Variants in PROM2 observed in about 807,000 individuals in gnomAD.
PROM2 encodes prominin-2.
A neutral mutation model predicts 110.2 loss-of-function variants in PROM2; 90 were observed. That is an observed-to-expected ratio of 0.82 (90% CI 0.69 to 0.97). The LOEUF (loss-of-function observed/expected upper bound fraction) is 0.97, where lower values mean the gene tolerates loss of function less well. PROM2 is among the 50% of genes least tolerant of loss of function. The probability of loss-of-function intolerance (pLI) is 0.00; values close to 1 mark genes in which losing one functional copy is unlikely to be tolerated. For synonymous variants in PROM2, 470 were observed against 467.8 expected, an observed-to-expected ratio of 1.00 and a Z score of -0.06; for missense variants, 1,009 against 1,074.8, an observed-to-expected ratio of 0.94 and a Z score of 0.86.
At chr2:95,287,521 A>C (rs1573463765) in intron 20 of PROM2, 57 bp downstream of exon 20, 1 of 1,570,558 alleles carries the variant, frequency 6.4e-7, no homozygotes, top group Non-Finnish European at 8.7e-7. Context: ...CCAGCTGTTC[A>C]CCCTGCTCTG....
Position 95,275,361 on chromosome 2 carries a change from C to CT in PROM2, c.245-100_245-99insT. On this transcript the variant is annotated intron_variant, in intron 1 of 23. Transcript: ENST00000317620. The surrounding 1 kb of genome is among the most constrained non-coding windows in gnomAD (Gnocchi z 4.4). ...GAGGGTGCCATGGTGGTGGCAGGAG[C>CT]CCTGCCTCAGAGCCACTTTGCCCTG... 1 of 1,158,302 alleles carries CT rather than the reference C, an allele frequency of 8.6e-7. No homozygotes were observed. Among genetic ancestry groups the CT allele is most frequent in the Non-Finnish European group, 1.2e-6 (1 of 803,858 alleles). The allele number at this position is 1,158,302 out of a possible 1,614,324, so 71.8% of individuals were successfully genotyped here. A position where few individuals can be genotyped will look rare whatever the true frequency, so the allele number is the denominator to read the frequency against.
In PROM2 at chr2:95,274,639, G is replaced by A; in HGVS notation, c.54G>A (p.Leu18=). Residue 18 remains leucine (L), a synonymous_variant, in exon 1 of 24, where the codon CTG becomes CTA. Coordinates refer to ENST00000317620, the MANE Select transcript of PROM2 (RefSeq NM_001165978.3). ...CCCTGCTGGGCCTGGGCCTGGGGCTGGCCCTGAGTCAGCTGGCTGCAGGGG... is the reference window on the plus strand; with the variant it reads ...CCCTGCTGGGCCTGGGCCTGGGGCTAGCCCTGAGTCAGCTGGCTGCAGGGG... The part of the protein sequence containing the change: ...LAPLLGLGLG[L]ALSQLAAGAT... 6.2e-7 allele frequency: 1 copy of A among 1,609,226 alleles called. No homozygotes were observed. Among genetic ancestry groups the A allele is most frequent in the South Asian group, 1.1e-5 (1 of 90,864 alleles).
intron 14 of PROM2, among the ~76,000 whole-genome samples, chr2:95,283,657 C>T (rs947290926): frequency 2.0e-5 from 3 of 152,202 alleles, no homozygotes; most frequent in Non-Finnish European, 2.9e-5. Context: ...GGCAAGTGGA[C>T]GCTCCACTCT....
At chr2:95,278,688 A>T (rs1676825900) in intron 8 of PROM2, 33 bp from the exon 9 acceptor site, 1 of 1,613,436 alleles carries the variant, frequency 6.2e-7, no homozygotes, top group Non-Finnish European at 8.5e-7. Flanking sequence ...CTGGGCAGAG[A>T]TGGGGAGGCC....
intron 15 of PROM2, 120 bp downstream of exon 15, chr2:95,285,235 G>A (rs2104134770): frequency 8.3e-7 from 1 of 1,204,944 alleles, no homozygotes; most frequent in Non-Finnish European, 1.1e-6. Flanking sequence ...ACATTTCCTG[G>A]GGCCTCTTCC....
rs1217544735 is a variant in PROM2 at position 95,279,119 on chromosome 2, G to A, written c.1249G>A (p.Glu417Lys). The A allele has an allele frequency of 4.1e-6, 6 of 1,476,470 alleles. No individual in the cohort carries two copies. In the East Asian group the frequency reaches 1.7e-4, roughly 41 times the overall value. The allele number at this position is 1,476,470 out of a possible 1,614,324, so 91.5% of individuals were successfully genotyped here. Residue 417 changes from glutamate (E) to lysine (K), a missense_variant, in exon 10 of 24, where the codon GAG becomes AAG. Transcript: ENST00000317620. ...VEESSRPYLQ[E>K]VQRYETYRWI... ...GGAGAGCAGCCGCCCCTACCTGCAGGAGGTGCAGAGATACGAGACCTACAG... is the reference window on the plus strand; with the variant it reads ...GGAGAGCAGCCGCCCCTACCTGCAGAAGGTGCAGAGATACGAGACCTACAG...
At position 95,282,195 on chromosome 2, in the gene PROM2, A is replaced by G. The variant is rs1677090014; in HGVS notation, c.1697A>G (p.Tyr566Cys). Residue 566 changes from tyrosine to cysteine, a missense_variant, in exon 14 of 24, where the codon TAC becomes TGC. Tyr to Cys is a radical substitution (Grantham distance 194). Coordinates refer to ENST00000317620, the MANE Select transcript of PROM2 (RefSeq NM_001165978.3). ...LWTVLQLNDS[Y>C]DLEEHLDINQ... is the part of the protein sequence containing the mutation. ...ACAGTCCTGCAGCTCAACGACTCCT[A>G]CGACCTGGAGGAGCACCTGGATATC... 6 of 1,613,834 alleles carry G rather than the reference A, an allele frequency of 3.7e-6. No homozygotes were observed. Among genetic ancestry groups the G allele is most frequent in the Admixed American group, 3.3e-5 (2 of 60,004 alleles).
At position 95,275,343 on chromosome 2, in the gene PROM2, C is replaced by A; in HGVS notation, c.245-118C>A. On this transcript the variant is annotated intron_variant, in intron 1 of 23. Coordinates refer to ENST00000317620, the MANE Select transcript of PROM2 (RefSeq NM_001165978.3). This position sits in a 1 kb window ranked among gnomAD's most constrained non-coding sequence, Gnocchi z 4.4. ...GGTGATGCAGCCTTCTGCGAGGGTGCCATGGTGGTGGCAGGAGCCCTGCCT... is the reference window on the plus strand; with the variant it reads ...GGTGATGCAGCCTTCTGCGAGGGTGACATGGTGGTGGCAGGAGCCCTGCCT... 3 of 919,966 alleles carry A rather than the reference C, an allele frequency of 3.3e-6. No individual in the cohort carries two copies. Among genetic ancestry groups the A allele is most frequent in the Non-Finnish European group, 5.1e-6 (3 of 594,008 alleles). The allele number at this position is 919,966 out of a possible 1,614,324, so 57.0% of individuals were successfully genotyped here.
chr2:95,286,496 G>A lies in PROM2; in HGVS notation c.1965G>A (p.Gly655=), dbSNP rs1361150798. 1 of 1,613,766 alleles carries A rather than the reference G, an allele frequency of 6.2e-7. No homozygotes were observed. Among genetic ancestry groups the A allele is most frequent in the Admixed American group, 1.7e-5 (1 of 60,012 alleles). ...CCTTTCAGGACAATTCTGTGCTGGG[G>A]CAGCGGCTGCAGGAGGAGGCCCAAG... ...LAQAQDNSVL[G]QRLQEEAQGL... is the part of the protein sequence containing the mutation. The change falls in exon 17 of 24, where the codon GGG becomes GGA. Residue 655 remains glycine (G), a synonymous_variant. Coordinates refer to ENST00000317620, the MANE Select transcript of PROM2 (RefSeq NM_001165978.3).
chr2:95,279,400 G>A (rs368356336), intron 10 of PROM2, among the ~76,000 whole-genome samples: 2 of 151,762 alleles, frequency 1.3e-5, no homozygotes, highest in Non-Finnish European at 2.9e-5. Context: ...CGGTTCAAGC[G>A]ATTCTCTTGC....
chr2:95,285,570 G>C (rs1335295623), intron 15 of PROM2, 69 bp from the exon 16 acceptor site: 19 of 1,313,546 alleles, frequency 1.4e-5, no homozygotes, highest in Non-Finnish European at 2.0e-5. Context: ...TTTGGAGGCT[G>C]GGATCAGGTG....
At chr2:95,284,890 C>A (rs1677254124) in intron 14 of PROM2, 79 bp from the exon 15 acceptor site, 4 of 1,452,086 alleles carry the variant, frequency 2.8e-6, no homozygotes, top group Non-Finnish European at 2.8e-6. Flanking sequence ...CGCCTGGTGA[C>A]CCCTGTGCTT....
In PROM2 at chr2:95,283,012, G is replaced by A. The variant is rs182338758; in HGVS notation, c.1728+786G>A. 2.6e-5 allele frequency among the ~76,000 whole-genome samples: 4 copies of A among 152,268 alleles called. No individual in the cohort carries two copies. The East Asian group carries it at 7.7e-4, about 29-fold the overall frequency. Reference sequence around the variant, plus strand: ...CCCCTGGATCCACCAACCAGCCTCGGCCCACGGACAGCACAGCCGGATGGC... The same window carrying A: ...CCCCTGGATCCACCAACCAGCCTCGACCCACGGACAGCACAGCCGGATGGC... On this transcript the variant is annotated intron_variant, in intron 14 of 23. Coordinates refer to ENST00000317620, the MANE Select transcript of PROM2 (RefSeq NM_001165978.3).
chr2:95,277,477 G>C lies in PROM2; in HGVS notation c.886G>C (p.Glu296Gln). 1 of 1,612,738 alleles carries C rather than the reference G, an allele frequency of 6.2e-7. No homozygotes were observed. Among genetic ancestry groups the C allele is most frequent in the Non-Finnish European group, 8.5e-7 (1 of 1,179,796 alleles). ...AIREHRDRLL[E>Q]LLQEARCQGD... ...CCGGGAACACCGGGACCGCCTCCTT[G>C]AGCTGCTGCAGGAGGCCAGGTGCCA... The change falls in exon 7 of 24, where the codon GAG (glutamate) becomes CAG (glutamine). Residue 296 changes from glutamate to glutamine, a missense_variant. Coordinates refer to ENST00000317620, the MANE Select transcript of PROM2 (RefSeq NM_001165978.3).
At chr2:95,282,257 C>A (rs1421343405) in intron 14 of PROM2, 31 bp downstream of exon 14, 4 of 1,522,278 alleles carry the variant, frequency 2.6e-6, no homozygotes, top group Non-Finnish European at 3.6e-6. Context: ...CTGTGAGGAG[C>A]CCTCCTCAGA....
Position 95,281,839 on chromosome 2 carries a change from C to T in PROM2, c.1552-86C>T, listed in dbSNP as rs1677065664. On this transcript the variant is annotated intron_variant, in intron 12 of 23. Transcript: ENST00000317620. ...CCTACCCCTGGTCTGTGCTGTGCCA[C>T]AGCAGCACAGGGCCAGGCCCTAGGG... 17 of 921,184 alleles carry T rather than the reference C, an allele frequency of 1.8e-5. No homozygotes were observed. The South Asian group carries it at 2.2e-4, about 12-fold the overall frequency. 57.1% of individuals were successfully genotyped at this position (921,184 alleles called of 1,614,324 possible). A position where few individuals can be genotyped will look rare whatever the true frequency, so the allele number is the denominator to read the frequency against.
intron 12 of PROM2, among the ~76,000 whole-genome samples, chr2:95,281,651 G>T (rs1344908171): frequency 6.6e-6 from 1 of 152,136 alleles, no homozygotes; most frequent in South Asian, 2.1e-4. Context: ...CTGGGAGCTG[G>T]GACCCTGGTG....
Position 95,277,052 on chromosome 2 carries a change from T to C in PROM2, c.763T>C (p.Leu255=). The C allele has an allele frequency of 1.2e-5, 19 of 1,551,366 alleles. No homozygotes were observed. The highest frequency in any genetic ancestry group is 1.7e-5 in the Non-Finnish European group (19 of 1,146,944). The change falls in exon 6 of 24, where the codon TTG becomes CTG. Residue 255 remains leucine, a synonymous_variant. Coordinates refer to ENST00000317620, the MANE Select transcript of PROM2 (RefSeq NM_001165978.3). ...VYPLLAAVGS[L]GQVLQVSVHH... ...CCCCTTGCTGGCGGCCGTGGGCAGT[T>C]TGGGCCAGGGTGAGCTGGAGCCGCA... is the stretch of plus-strand genomic sequence containing the variant.
At position 95,281,959 on chromosome 2, in the gene PROM2, T is replaced by C. The variant is rs771285757; in HGVS notation, c.1586T>C (p.Met529Thr). The C allele has an allele frequency of 1.2e-6, 2 of 1,614,066 alleles. No individual in the cohort carries two copies. The highest frequency in any genetic ancestry group is 2.2e-5 in the East Asian group (1 of 44,866). ...ADTPGNLPPS[M>T]NLSQLLGLRK... ...ACCCCAGGGAACCTGCCCCCGTCCA[T>C]GAACCTGTCGCAACTTCTTGGCCTG... The change falls in exon 13 of 24, where the codon ATG (methionine) becomes ACG (threonine). Residue 529 changes from methionine (M) to threonine (T), a missense_variant. By Grantham distance (81) the Met-to-Thr change is moderately conservative (BLOSUM62 -1). Coordinates refer to ENST00000317620, the MANE Select transcript of PROM2 (RefSeq NM_001165978.3).
Sources: allele counts gnomAD v4.1 joint callset (sites outside exome capture counted in the v4.1 genomes callset), GRCh38; gene constraint gnomAD v4.1.1; non-coding constraint Gnocchi (gnomAD v3.1); transcripts MANE v1.5; gene names NCBI Gene and HGNC (gene_info 2026-07-23, HGNC 2026-07-21).